The following FAM227B variants were observed in gnomAD, a reference collection of about 807,000 sequenced individuals.
FAM227B encodes protein FAM227B.
In FAM227B, 88 loss-of-function variants were observed where a neutral mutation model predicts 73.8. That is an observed-to-expected ratio of 1.19 (90% confidence interval 1.00 to 1.42). The LOEUF (loss-of-function observed/expected upper bound fraction) is 1.42, where lower values mean the gene tolerates loss of function less well. Ranked by LOEUF, FAM227B falls within the 40% of genes most tolerant of loss-of-function variation. The pLI, the probability that FAM227B is intolerant of heterozygous loss-of-function variation, is 0.00. For missense variants in FAM227B, 632 were observed against 590.9 expected, an observed-to-expected ratio of 1.07 and a Z score of -0.72; for synonymous variants, 210 against 190.5, an observed-to-expected ratio of 1.10 and a Z score of -0.84.
intron 13 of FAM227B, among the ~76,000 whole-genome samples, chr15:49,358,483 C>T (rs1459261225): frequency 6.9e-6 from 1 of 144,180 alleles, no homozygotes; most frequent in African/African-American, 2.6e-5. Context: ...AACTCCCATT[C>T]ACAATTGCTT....
chr15:49,591,006 TTCTTTC>T (rs1317758443), intron 3 of FAM227B, among the ~76,000 whole-genome samples: 52 of 146,990 alleles, frequency 3.5e-4, no homozygotes, highest in African/African-American at 1.1e-3. Context: ...CTCTCTTCTT[TTCTTTC>T]TCTTTCTCTT....
intron 13 of FAM227B, among the ~76,000 whole-genome samples, chr15:49,355,019 A>G (rs562716028): frequency 3.7e-4 from 56 of 151,674 alleles, no homozygotes; most frequent in Non-Finnish European, 5.6e-4. Flanking sequence ...ACAGACCTGC[A>G]GCTGAGGGTC....
At chr15:49,432,035 T>A (rs1410645885) in intron 11 of FAM227B, among the ~76,000 whole-genome samples, 1 of 151,748 alleles carries the variant, frequency 6.6e-6, no homozygotes, top group Non-Finnish European at 1.5e-5. Flanking sequence ...ACTGTAATAA[T>A]CTTTGCTTAT....
intron 13 of FAM227B, among the ~76,000 whole-genome samples, chr15:49,348,556 C>A (rs2041846302): frequency 6.6e-6 from 1 of 152,156 alleles, no homozygotes. Context: ...TTTGGAGCAC[C>A]TCACAGAATC....
intron 9 of FAM227B, among the ~76,000 whole-genome samples, chr15:49,556,237 A>AT (rs559614277): frequency 0.33 from 49,473 of 151,050 alleles, 8,798 homozygotes; most frequent in African/African-American, 0.46. Context: ...CTTTCTTTGG[A>AT]TTTTTTTTTC....
chr15:49,440,177 T>G (rs1246479103), intron 11 of FAM227B, among the ~76,000 whole-genome samples: 1 of 151,840 alleles, frequency 6.6e-6, no homozygotes, highest in Non-Finnish European at 1.5e-5. Flanking sequence ...TTCAGCATAC[T>G]TTTAGTTAAA....
chr15:49,366,975 C>T (rs945729664), intron 13 of FAM227B, among the ~76,000 whole-genome samples: 6 of 151,976 alleles, frequency 3.9e-5, no homozygotes, highest in Non-Finnish European at 4.4e-5. Context: ...CAAAGAGCTC[C>T]GATTTTAATT....
At position 49,489,883 on chromosome 15, in the gene FAM227B, TAGAGAGAGAGAG is replaced by T. The variant is rs35994302; in HGVS notation, c.1012+18316_1012+18327del. Among the ~76,000 whole-genome samples, 6 of 22,948 alleles carry T rather than the reference TAGAGAGAGAGAG, an allele frequency of 2.6e-4. 1 individual carries two copies. Among genetic ancestry groups the T allele is most frequent in the Non-Finnish European group, 6.0e-4 (6 of 10,034 alleles). 15.1% of individuals were successfully genotyped at this position (22,948 alleles called of 152,430 possible). ...TTTTATATATATATATATATATATA[TAGAGAGAGAGAG>T]AGAGAGAGAGAGAGAGAGACAGAGA... On this transcript the variant is annotated intron_variant, in intron 11 of 15. Coordinates refer to ENST00000299338, the MANE Select transcript of FAM227B (RefSeq NM_152647.3).
intron 11 of FAM227B, among the ~76,000 whole-genome samples, chr15:49,455,045 G>A (rs971507696): frequency 3.3e-5 from 5 of 152,132 alleles, no homozygotes; most frequent in Admixed American, 6.6e-5. Flanking sequence ...AAGTGTAGTT[G>A]GGGGATCACC....
chr15:49,579,220 G>C (rs1400395736), intron 5 of FAM227B, among the ~76,000 whole-genome samples: 1 of 152,098 alleles, frequency 6.6e-6, no homozygotes, highest in African/African-American at 2.4e-5. Flanking sequence ...AATTAGTACA[G>C]CTATCATGGA....
chr15:49,520,676 G>T (rs779333778), intron 10 of FAM227B, among the ~76,000 whole-genome samples: 16 of 152,118 alleles, frequency 1.1e-4, no homozygotes, highest in Non-Finnish European at 1.9e-4. Context: ...AAAACCATCA[G>T]ATCTTGTGAG....
chr15:49,610,176 T>A (rs2077796226), intron 3 of FAM227B, among the ~76,000 whole-genome samples: 1 of 151,954 alleles, frequency 6.6e-6, no homozygotes, highest in South Asian at 2.1e-4. Flanking sequence ...ACATGTATAA[T>A]AATACAGTCT....
At chr15:49,476,742 A>G (rs1261172055) in intron 11 of FAM227B, among the ~76,000 whole-genome samples, 1 of 152,178 alleles carries the variant, frequency 6.6e-6, no homozygotes, top group Non-Finnish European at 1.5e-5. Flanking sequence ...TGTATTTTAG[A>G]ACACTTTTAG....
intron 11 of FAM227B, among the ~76,000 whole-genome samples, chr15:49,384,471 G>A (rs1285919620): frequency 6.6e-6 from 1 of 151,976 alleles, no homozygotes; most frequent in Non-Finnish European, 1.5e-5. Flanking sequence ...GTATTCTTAG[G>A]TAGCTGCAAT....
At chr15:49,597,516 C>T (rs772235770) in intron 3 of FAM227B, among the ~76,000 whole-genome samples, 70 of 151,804 alleles carry the variant, frequency 4.6e-4, no homozygotes, top group Non-Finnish European at 8.6e-4. Context: ...ATCAAAAAGC[C>T]TGAAAGAGCA....
chr15:49,431,312 T>A (rs978470886), intron 11 of FAM227B, among the ~76,000 whole-genome samples: 3 of 151,870 alleles, frequency 2.0e-5, no homozygotes, highest in Non-Finnish European at 1.5e-5. Context: ...CCAAGTTTTT[T>A]ATCTGCATTT....
intron 10 of FAM227B, among the ~76,000 whole-genome samples, chr15:49,525,540 T>C (rs1008866715): frequency 5.9e-5 from 9 of 151,592 alleles, no homozygotes; most frequent in Non-Finnish European, 1.2e-4. Flanking sequence ...TCGAGCTTCC[T>C]AAATGAAGGA....
intron 11 of FAM227B, among the ~76,000 whole-genome samples, chr15:49,437,549 A>C (rs1003781769): frequency 1.3e-5 from 2 of 151,668 alleles, no homozygotes; most frequent in Non-Finnish European, 3.0e-5. Flanking sequence ...TGGGTAAATC[A>C]TATCTCTGTT....
At chr15:49,448,658 A>G (rs1221664286) in intron 11 of FAM227B, among the ~76,000 whole-genome samples, 2 of 151,290 alleles carry the variant, frequency 1.3e-5, no homozygotes, top group African/African-American at 2.4e-5. Context: ...TTTTTTGATG[A>G]ACATCCACAT....
Sources: gnomAD v4.1 joint callset for allele counts (sites outside exome capture counted in the v4.1 genomes callset) on GRCh38, gnomAD v4.1.1 for gene constraint, MANE v1.5 for transcripts, NCBI Gene and HGNC (gene_info 2026-07-23, HGNC 2026-07-21) for gene names.